The following IKBKG variants were observed in gnomAD, a reference collection of about 807,000 sequenced individuals.
The protein encoded by IKBKG is inhibitor of nuclear factor kappa B kinase regulatory subunit gamma.
In IKBKG, 2 loss-of-function variants were observed where a neutral mutation model predicts 13.7. The observed-to-expected ratio is 0.15, with a 90% confidence interval of 0.06 to 0.46. IKBKG has a LOEUF of 0.46. IKBKG is among the 20% of genes least tolerant of loss of function. IKBKG has a pLI of 0.98. For synonymous variants in IKBKG, 22 were observed against 64.4 expected, an observed-to-expected ratio of 0.34 and a Z score of 3.15; for missense variants, 53 against 150.3, an observed-to-expected ratio of 0.35 and a Z score of 3.39.
upstream of IKBKG, among the ~76,000 whole-genome samples, chrX:154,543,532 T>C (rs782396663): frequency 5.3e-5 from 6 of 112,169 alleles, no homozygotes; most frequent in South Asian, 2.2e-3. Context: ...GCTATCATTG[T>C]GGCCTGGGTT....
chrX:154,542,499 G>T, upstream of IKBKG: 3 of 1,132,843 alleles, frequency 2.6e-6, no homozygotes, highest in Non-Finnish European at 3.5e-6. Flanking sequence ...GTCCTGAGAA[G>T]GCAGGAAGTG....
chrX:154,555,164 T>TA (rs782247621), intron 2 of IKBKG, among the ~76,000 whole-genome samples: 1 of 111,928 alleles, frequency 8.9e-6, no homozygotes, highest in Non-Finnish European at 1.9e-5. Flanking sequence ...ACTATGCAGA[T>TA]GAGGACTTTG....
At chrX:154,553,733 A>C (rs1197966622) in intron 2 of IKBKG, among the ~76,000 whole-genome samples, 2 of 112,984 alleles carry the variant, frequency 1.8e-5, no homozygotes. Context: ...TGTTGTGACA[A>C]CTAACAATAT....
chrX:154,550,237 TG>T (rs1557234723), intron 1 of IKBKG, among the ~76,000 whole-genome samples: 88 of 91,668 alleles, frequency 9.6e-4, no homozygotes, highest in African/African-American at 3.9e-3. Flanking sequence ...TGTGCTCTTG[TG>T]TGTGTGTGTG....
At chrX:154,545,814 G>C (rs900274293), upstream of IKBKG, 1 of 379,075 alleles carries the variant, frequency 2.6e-6, no homozygotes, top group South Asian at 3.5e-5. Context: ...CATCCTGGGC[G>C]ACCAGAGCAA....
chrX:154,546,859 C>T (rs782493718), upstream of IKBKG: 4 of 1,115,005 alleles, frequency 3.6e-6, no homozygotes, highest in South Asian at 6.2e-5. Context: ...GGGCTGAGCC[C>T]CGCCGGCCCA....
chrX:154,555,606 GT>G (rs1367226592), intron 2 of IKBKG, among the ~76,000 whole-genome samples: 194 of 112,380 alleles, frequency 1.7e-3, no homozygotes, highest in African/African-American at 6.0e-3. Flanking sequence ...TTGAGACAGA[GT>G]TTTGCTCTGT....
chrX:154,553,289 C>G (rs1241117856), intron 2 of IKBKG, among the ~76,000 whole-genome samples: 1 of 112,515 alleles, frequency 8.9e-6, no homozygotes, highest in African/African-American at 3.2e-5. Flanking sequence ...TACTAGAGAT[C>G]GCTGTCATGG....
chrX:154,554,275 A>G (rs928197964), intron 2 of IKBKG, among the ~76,000 whole-genome samples: 12 of 112,677 alleles, frequency 1.1e-4, no homozygotes, highest in African/African-American at 2.9e-4. Flanking sequence ...GAAGTGGCCA[A>G]TCTGCAGAGG....
At chrX:154,542,416 A>G (rs1287597708), upstream of IKBKG, 2 of 1,196,985 alleles carry the variant, frequency 1.7e-6, no homozygotes, top group Middle Eastern at 2.3e-4. Flanking sequence ...CCAGGCGCAC[A>G]CTAGTCTACA....
In IKBKG at chrX:154,547,661, G is replaced by A. The variant is rs1557234001; in HGVS notation, c.-100G>A. ...GTAGGGAAGGGCGACCGCGAAACTG[G>A]GACTTTCTCGGAGCGCCGGGGCCCT... On this transcript the variant is annotated 5_prime_UTR_variant, in exon 1 of 10. Coordinates refer to ENST00000594239, the MANE Select transcript of IKBKG (RefSeq NM_001099857.5). The A allele has an allele frequency of 1.3e-6, 1 of 753,835 alleles. No individual in the cohort carries two copies. The highest frequency in any genetic ancestry group is 1.6e-6 in the Non-Finnish European group (1 of 639,213). 62.1% of individuals were successfully genotyped at this position (753,835 alleles called of 1,213,427 possible).
At chrX:154,555,465 C>G (rs143636168) in intron 2 of IKBKG, among the ~76,000 whole-genome samples, 3,211 of 112,810 alleles carry the variant, frequency 0.028, 106 homozygotes, top group African/African-American at 0.097. Context: ...CCAGCACTTT[C>G]GGAGGCCGAG....
chrX:154,543,866 GTTA>G (rs2070601018), upstream of IKBKG, among the ~76,000 whole-genome samples: 1 of 101,669 alleles, frequency 9.8e-6, no homozygotes, highest in Non-Finnish European at 2.0e-5. Context: ...ACTAATTTTT[GTTA>G]TTTTTTTTTT....
chrX:154,542,588 GC>G, upstream of IKBKG: 1 of 853,687 alleles, frequency 1.2e-6, no homozygotes, highest in Non-Finnish European at 1.6e-6. Context: ...AGGTAAGCTG[GC>G]CAGGGAGGAG....
At chrX:154,546,197 G>A (rs982775732), upstream of IKBKG, 75 of 1,206,876 alleles carry the variant, frequency 6.2e-5, no homozygotes, top group Non-Finnish European at 8.4e-5. Context: ...CAAGGCAGAA[G>A]AACAGGAGAG....
At chrX:154,546,149 C>T, upstream of IKBKG, 2 of 1,212,017 alleles carry the variant, frequency 1.7e-6, no homozygotes, top group Non-Finnish European at 1.1e-6. Context: ...GCCACCTGCT[C>T]TGCCATGACG....
chrX:154,553,469 C>T (rs1388612083), intron 2 of IKBKG, among the ~76,000 whole-genome samples: 3 of 112,663 alleles, frequency 2.7e-5, no homozygotes, highest in Non-Finnish European at 5.6e-5. Context: ...CAAGGCAAAT[C>T]ACCTTTCCTT....
chrX:154,546,111 G>A (rs1557233203), upstream of IKBKG: 1 of 1,210,431 alleles, frequency 8.3e-7, no homozygotes, highest in East Asian at 3.0e-5. Context: ...CTTCCCGCAG[G>A]ATCCCGCACA....
chrX:154,545,507 A>G (rs1191105565), upstream of IKBKG, among the ~76,000 whole-genome samples: 5 of 111,579 alleles, frequency 4.5e-5, no homozygotes, highest in Non-Finnish European at 7.5e-5. Context: ...CTCCAGGATT[A>G]AGGGCTACAT....
Sources: allele counts gnomAD v4.1 joint callset (sites outside exome capture counted in the v4.1 genomes callset), GRCh38; gene constraint gnomAD v4.1.1; transcripts MANE v1.5; gene names NCBI Gene and HGNC (gene_info 2026-07-23, HGNC 2026-07-21).